FBLN7: variants seen among roughly 807,000 people sequenced by gnomAD.
FBLN7 encodes the protein fibulin-7.
Under a neutral mutation model 44.0 loss-of-function variants are expected in FBLN7, and 31 were observed. The observed-to-expected ratio is 0.70, with a 90% CI of 0.53 to 0.95. The LOEUF (loss-of-function observed/expected upper bound fraction) is 0.95. Among genes scored for constraint, FBLN7 ranks in the 40% least tolerant of loss-of-function variants. The pLI is 0.00. For synonymous variants in FBLN7, 262 were observed against 253.4 expected, an observed-to-expected ratio of 1.03 and a Z score of -0.32; for missense variants, 573 against 618.5, an observed-to-expected ratio of 0.93 and a Z score of 0.78.
At chr2:112,237,992 T>G in the FBLN7 span, among the ~76,000 whole-genome samples, 1 of 152,192 alleles carries the variant, frequency 6.6e-6, no homozygotes, top group Admixed American at 6.5e-5. Flanking sequence ...CCTCTTTAAA[T>G]GACAGCAATA....
chr2:112,184,232 C>T (rs537090633), intron 6 of FBLN7, among the ~76,000 whole-genome samples: 23 of 152,296 alleles, frequency 1.5e-4, no homozygotes, highest in Middle Eastern at 3.4e-3. Context: ...AGGGGAGCCC[C>T]GCTGGCTCCA....
the FBLN7 span, among the ~76,000 whole-genome samples, chr2:112,202,419 TATGAA>T: frequency 6.6e-6 from 1 of 151,280 alleles, no homozygotes; most frequent in East Asian, 1.9e-4. Context: ...CATATATAGA[TATGAA>T]ATATATTTAG....
chr2:112,232,695 A>G, the FBLN7 span, among the ~76,000 whole-genome samples: 1 of 152,242 alleles, frequency 6.6e-6, no homozygotes, highest in Admixed American at 6.5e-5. Flanking sequence ...TAGGAAAACA[A>G]TCCTCAAATT....
the FBLN7 span, among the ~76,000 whole-genome samples, chr2:112,222,441 G>C: frequency 6.6e-6 from 1 of 152,166 alleles, no homozygotes; most frequent in Non-Finnish European, 1.5e-5. Flanking sequence ...AGGGCAAAAG[G>C]AGGCTGTGCC....
intron 1 of FBLN7, among the ~76,000 whole-genome samples, chr2:112,142,800 CTCTG>C (rs1680716110): frequency 6.6e-6 from 1 of 151,152 alleles, no homozygotes; most frequent in Non-Finnish European, 1.5e-5. Flanking sequence ...ATGTATGTGT[CTCTG>C]TGTGTGGTTG....
chr2:112,226,589 CAAA>C, the FBLN7 span, among the ~76,000 whole-genome samples: 3 of 74,190 alleles, frequency 4.0e-5, no homozygotes, highest in African/African-American at 1.2e-4. Flanking sequence ...GACTCCATCT[CAAA>C]AAAAAAAAAA....
At chr2:112,234,110 A>G in the FBLN7 span, 1 of 1,480,840 alleles carries the variant, frequency 6.8e-7, no homozygotes, top group Non-Finnish European at 9.1e-7. Context: ...TTGCTTACAC[A>G]TTTTTATACC....
intron 6 of FBLN7, among the ~76,000 whole-genome samples, chr2:112,183,228 C>T (rs912490883): frequency 2.6e-5 from 4 of 152,236 alleles, no homozygotes; most frequent in Non-Finnish European, 5.9e-5. Flanking sequence ...ATTCCTTCAG[C>T]TAGGGCTGGG....
the FBLN7 span, among the ~76,000 whole-genome samples, chr2:112,226,496 G>A: frequency 6.7e-6 from 1 of 148,916 alleles, no homozygotes; most frequent in African/African-American, 2.5e-5. Flanking sequence ...AGCTGAGGCA[G>A]GAGAATGGTG....
At chr2:112,236,066 C>T in the FBLN7 span, among the ~76,000 whole-genome samples, 5 of 151,728 alleles carry the variant, frequency 3.3e-5, no homozygotes, top group Non-Finnish European at 5.9e-5. Flanking sequence ...GAGTTCAAGA[C>T]CATCCTGGCC....
Position 112,138,721 on chromosome 2 carries a change from G to A in FBLN7, c.66G>A (p.Arg22=), listed in dbSNP as rs1448956422. 1 of 1,611,798 alleles carries A rather than the reference G, an allele frequency of 6.2e-7. No homozygotes were observed. Among genetic ancestry groups the A allele is most frequent in the Non-Finnish European group, 8.5e-7 (1 of 1,179,612 alleles). The change falls in exon 1 of 8, where the codon CGG becomes CGA. Residue 22 remains arginine, a synonymous_variant. Transcript: ENST00000331203. The part of the protein sequence containing the change: ...LLLILACPEP[R]ASQNCLSKQQ... ...TGATCCTCGCCTGCCCCGAGCCGCG[G>A]GCTTCCCAGGTCAGTGTCCCTCCCG...
At chr2:112,161,100 C>G (rs1384976233) in intron 2 of FBLN7, among the ~76,000 whole-genome samples, 1 of 152,150 alleles carries the variant, frequency 6.6e-6, no homozygotes, top group African/African-American at 2.4e-5. Flanking sequence ...TCATGCTTGC[C>G]CTGTAACAGC....
At chr2:112,144,351 A>T (rs919258291) in intron 1 of FBLN7, among the ~76,000 whole-genome samples, 4 of 152,160 alleles carry the variant, frequency 2.6e-5, no homozygotes, top group Non-Finnish European at 5.9e-5. Context: ...AATCATTCAG[A>T]TTTGCTTCAG....
chr2:112,196,303 G>A, the FBLN7 span, among the ~76,000 whole-genome samples: 1 of 151,392 alleles, frequency 6.6e-6, no homozygotes, highest in Non-Finnish European at 1.5e-5. Context: ...GCTGTGGACT[G>A]AGGAACAGAA....
chr2:112,148,435 G>A (rs187363187), intron 1 of FBLN7, among the ~76,000 whole-genome samples: 2 of 152,244 alleles, frequency 1.3e-5, no homozygotes, highest in Non-Finnish European at 2.9e-5. Flanking sequence ...TATCTAAAAT[G>A]AGGTATTTCA....
In FBLN7 at chr2:112,187,521, A is replaced by G. The variant is rs538690324; in HGVS notation, c.*15A>G. ...ATGACTTCTGAGGGTACACAGGGGC[A>G]CTGGGGTGTGGAGAGCTGACCTCAT... On this transcript the variant is annotated 3_prime_UTR_variant, in exon 8 of 8. Coordinates refer to ENST00000331203, the MANE Select transcript of FBLN7 (RefSeq NM_153214.3). This position sits in a 1 kb window ranked among gnomAD's most constrained non-coding sequence, Gnocchi z 5.1. 7 of 1,612,332 alleles carry G rather than the reference A, an allele frequency of 4.3e-6. No homozygotes were observed. In the East Asian group the frequency reaches 1.1e-4, roughly 26 times the overall value.
chr2:112,170,533 G>GAA (rs199582472), intron 3 of FBLN7, among the ~76,000 whole-genome samples: 2 of 76,822 alleles, frequency 2.6e-5, no homozygotes, highest in Non-Finnish European at 5.4e-5. Context: ...TCTCGAAAGT[G>GAA]AAAAAAAAAA....
chr2:112,146,804 T>C (rs1680920892), intron 1 of FBLN7, among the ~76,000 whole-genome samples: 1 of 152,234 alleles, frequency 6.6e-6, no homozygotes, highest in South Asian at 2.1e-4. Context: ...TATTTATGTA[T>C]TTAGCCTTAT....
At chr2:112,223,051 T>C in the FBLN7 span, among the ~76,000 whole-genome samples, 1 of 152,078 alleles carries the variant, frequency 6.6e-6, no homozygotes, top group South Asian at 2.1e-4. Context: ...TAGGTGGGAA[T>C]TGAACCATAA....
Sources: allele counts gnomAD v4.1 joint callset (sites outside exome capture counted in the v4.1 genomes callset), GRCh38; gene constraint gnomAD v4.1.1; non-coding constraint Gnocchi (gnomAD v3.1); transcripts MANE v1.5; gene names NCBI Gene and HGNC (gene_info 2026-07-23, HGNC 2026-07-21).